Variants in BCL11A observed in about 807,000 individuals in gnomAD.
BCL11A encodes BCL11 transcription factor A.
A neutral mutation model predicts 55.9 loss-of-function variants in BCL11A; 2 were observed. The ratio of observed to expected loss-of-function variants is 0.04; its 90% CI spans 0.01 to 0.11. BCL11A has a LOEUF of 0.11. BCL11A is among the 10% of genes least tolerant of loss of function. BCL11A has a pLI of 1.00. For synonymous variants in BCL11A, 465 were observed against 473.4 expected, an observed-to-expected ratio of 0.98 and a Z score of 0.23; for missense variants, 817 against 1,137.1, an observed-to-expected ratio of 0.72 and a Z score of 4.05.
chr2:60,508,444 C>T (rs1337092236), intron 2 of BCL11A, among the ~76,000 whole-genome samples: 2 of 152,150 alleles, frequency 1.3e-5, no homozygotes, highest in Non-Finnish European at 2.9e-5. Context: ...CCAGTTGCTG[C>T]GAGACAAATA....
intron 2 of BCL11A, among the ~76,000 whole-genome samples, chr2:60,500,445 G>C (rs1320108463): frequency 6.6e-6 from 1 of 152,198 alleles, no homozygotes; most frequent in Non-Finnish European, 1.5e-5. Context: ...CCTGGCCAGA[G>C]CAATCATCCC....
At chr2:60,538,010 G>A (rs976281526) in intron 2 of BCL11A, 1 of 152,206 alleles carries the variant, frequency 6.6e-6, no homozygotes, top group Non-Finnish European at 1.5e-5. Flanking sequence ...AGTGACCAAA[G>A]GTCCCCAGGT....
At position 60,459,759 on chromosome 2, in the gene BCL11A, C is replaced by T; in HGVS notation, c.*645G>A. The T allele has an allele frequency of 9.6e-7, 1 of 1,040,146 alleles. No individual in the cohort carries two copies. Among genetic ancestry groups the T allele is most frequent in the East Asian group, 5.9e-5 (1 of 17,080 alleles). The allele number at this position is 1,040,146 out of a possible 1,614,324, so 64.4% of individuals were successfully genotyped here. On this transcript the variant is annotated 3_prime_UTR_variant, in exon 4 of 4. Transcript: ENST00000642384. Reference sequence around the variant, plus strand: ...TGTCAATTCAAGGCCTTTTTTCTTCCTTTCCAATTGATACATTTAACCCTT... The same window carrying T: ...TGTCAATTCAAGGCCTTTTTTCTTCTTTTCCAATTGATACATTTAACCCTT...
rs1003475790 is a variant in BCL11A at position 60,459,487 on chromosome 2, T to C, written c.*917A>G. ...GGTATAATCAGTTTTGTTTATAAAA[T>C]TAAACTAAAGGAAAAATGATGATTA... On this transcript the variant is annotated 3_prime_UTR_variant, in exon 4 of 4. Coordinates refer to ENST00000642384, the MANE Select transcript of BCL11A (RefSeq NM_022893.4). The C allele has an allele frequency of 9.8e-6, 10 of 1,021,094 alleles. No homozygotes were observed. The Admixed American group carries it at 5.8e-4, about 59-fold the overall frequency. The allele number at this position is 1,021,094 out of a possible 1,614,324, so 63.3% of individuals were successfully genotyped here.
intron 2 of BCL11A, chr2:60,535,103 C>T (rs1444895485): frequency 6.6e-6 from 1 of 152,108 alleles, no homozygotes; most frequent in African/African-American, 2.4e-5. Flanking sequence ...ACTGGAAGGA[C>T]CTAATGGTCA....
At chr2:60,551,263 G>T (rs1022328133) in intron 1 of BCL11A, among the ~76,000 whole-genome samples, 1 of 152,226 alleles carries the variant, frequency 6.6e-6, no homozygotes, top group Non-Finnish European at 1.5e-5. Context: ...CAGTCAGCGG[G>T]AGACAGCCAC....
chr2:60,459,988 G>A lies in BCL11A; in HGVS notation c.*416C>T. 5.6e-6 allele frequency: 6 copies of A among 1,067,424 alleles called. No individual in the cohort carries two copies. Among genetic ancestry groups the A allele is most frequent in the Non-Finnish European group, 6.8e-6 (6 of 880,950 alleles). The allele number at this position is 1,067,424 out of a possible 1,614,324, so 66.1% of individuals were successfully genotyped here. A position where few individuals can be genotyped will look rare whatever the true frequency, so the allele number is the denominator to read the frequency against. Reference sequence around the variant, plus strand: ...CGGAACTGGAAACAGCAACATGTTTGCTCAGCAACGAATTAGGGACAATTT... The same window carrying A: ...CGGAACTGGAAACAGCAACATGTTTACTCAGCAACGAATTAGGGACAATTT... On this transcript the variant is annotated 3_prime_UTR_variant, in exon 4 of 4. Coordinates refer to ENST00000642384, the MANE Select transcript of BCL11A (RefSeq NM_022893.4).
At chr2:60,537,924 C>T (rs1275686574) in intron 2 of BCL11A, 1 of 152,184 alleles carries the variant, frequency 6.6e-6, no homozygotes, top group Non-Finnish European at 1.5e-5. Context: ...CTATCTAAAA[C>T]TAAAATCAAA....
intron 2 of BCL11A, among the ~76,000 whole-genome samples, chr2:60,503,984 AGTATT>A: frequency 6.6e-6 from 1 of 152,206 alleles, no homozygotes; most frequent in Admixed American, 6.5e-5. Flanking sequence ...AAAGACACTG[AGTATT>A]AAGGCCCAAC....
In BCL11A at chr2:60,459,854, CAA is replaced by C; in HGVS notation, c.*548_*549del. The C allele has an allele frequency of 9.6e-7, 1 of 1,045,492 alleles. No homozygotes were observed. Among genetic ancestry groups the C allele is most frequent in the Non-Finnish European group, 1.2e-6 (1 of 866,810 alleles). The allele number at this position is 1,045,492 out of a possible 1,614,324, so 64.8% of individuals were successfully genotyped here. On this transcript the variant is annotated 3_prime_UTR_variant, in exon 4 of 4. Coordinates refer to ENST00000642384, the MANE Select transcript of BCL11A (RefSeq NM_022893.4). ...CTATTCTGTCTATAGAGGGTTAATC[CAA>C]AGACTGTTTTTCCTCCTCACGTTAT... is the stretch of plus-strand genomic sequence containing the variant.
intron 2 of BCL11A, among the ~76,000 whole-genome samples, chr2:60,521,067 G>GCACGCA (rs1263469378): frequency 1.0e-4 from 12 of 117,774 alleles, no homozygotes; most frequent in African/African-American, 3.3e-4. Context: ...CTAGTGGTCA[G>GCACGCA]CACACACACA....
At chr2:60,452,117 T>A (rs796798265) in exon 5 of BCL11A, 16 of 229,254 alleles carry the variant, frequency 7.0e-5, no homozygotes, top group African/African-American at 3.3e-4. Context: ...AGCCTCATTG[T>A]CTTATAAGCA....
chr2:60,529,497 A>G (rs974811508), intron 2 of BCL11A, among the ~76,000 whole-genome samples: 2 of 152,220 alleles, frequency 1.3e-5, no homozygotes, highest in African/African-American at 4.8e-5. Flanking sequence ...GATACATCAT[A>G]TGTCAAGGGC....
chr2:60,461,978 C>T lies in BCL11A; in HGVS notation c.934G>A (p.Ala312Thr). 6.2e-7 allele frequency: 1 copy of T among 1,613,758 alleles called. No individual in the cohort carries two copies. The highest frequency in any genetic ancestry group is 8.5e-7 in the Non-Finnish European group (1 of 1,180,014). Residue 312 changes from alanine (A) to threonine (T), a missense_variant, in exon 4 of 4, where the codon GCC (alanine) becomes ACC (threonine). Coordinates refer to ENST00000642384, the MANE Select transcript of BCL11A (RefSeq NM_022893.4). ...RLNPMAMEPPAMDFSRRLREL... is the reference protein window; with the variant it reads ...RLNPMAMEPPTMDFSRRLREL... ...CTAAGTCTCCTAGAGAAATCCATGG[C>T]GGGAGGCTCCATAGCCATTGGATTC...
At chr2:60,470,328 T>C (rs537508911) in intron 2 of BCL11A, among the ~76,000 whole-genome samples, 1 of 152,306 alleles carries the variant, frequency 6.6e-6, no homozygotes, top group Admixed American at 6.5e-5. Context: ...TTTGACTGTT[T>C]ACGTCAAGTG....
exon 5 of BCL11A, chr2:60,451,310 C>T (rs147866982): frequency 7.0e-5 from 16 of 227,428 alleles, no homozygotes; most frequent in African/African-American, 3.5e-4. Context: ...GTATGTGAAT[C>T]TACAGCACAC....
intron 1 of BCL11A, among the ~76,000 whole-genome samples, chr2:60,552,421 T>TCGGCGGCGG (rs886675800): frequency 2.6e-5 from 4 of 151,624 alleles, no homozygotes; most frequent in South Asian, 4.2e-4. Context: ...CTCCTGCCCT[T>TCGGCGGCGG]CGGCGGCGGC....
At chr2:60,452,605 C>T (rs1156595888), downstream of BCL11A, 21 of 1,613,688 alleles carry the variant, frequency 1.3e-5, no homozygotes, top group South Asian at 2.2e-5. Context: ...AGCTTCCATC[C>T]GAAAACTGCC....
At chr2:60,463,938 C>T (rs1294804911) in intron 3 of BCL11A, among the ~76,000 whole-genome samples, 1 of 149,802 alleles carries the variant, frequency 6.7e-6, no homozygotes, top group African/African-American at 2.5e-5. Flanking sequence ...AAAAAAAAAT[C>T]TACCAGGGAG....
Sources: gnomAD v4.1 joint callset for allele counts (sites outside exome capture counted in the v4.1 genomes callset) on GRCh38, gnomAD v4.1.1 for gene constraint, MANE v1.5 for transcripts, NCBI Gene and HGNC (gene_info 2026-07-23, HGNC 2026-07-21) for gene names.